Variants in TBC1D14 observed in about 807,000 individuals in gnomAD.
TBC1D14 encodes TBC1 domain family member 14.
Under a neutral mutation model 79.0 loss-of-function variants are expected in TBC1D14, and 26 were observed. That is an observed-to-expected ratio of 0.33 (90% CI 0.24 to 0.46). The LOEUF is 0.46. Among genes scored for constraint, TBC1D14 ranks in the 20% least tolerant of loss-of-function variants. The probability of loss-of-function intolerance (pLI) is 1.00; values close to 1 mark genes in which losing one functional copy is unlikely to be tolerated. For synonymous variants in TBC1D14, 394 were observed against 349.9 expected (o/e 1.13, Z -1.40); for missense variants, 769 against 887.6 (o/e 0.87, Z 1.70).
chr4:6,946,714 A>G (rs1426233316), intron 2 of TBC1D14, among the ~76,000 whole-genome samples: 1 of 152,160 alleles, frequency 6.6e-6, no homozygotes, highest in East Asian at 1.9e-4. Context: ...GGTAAAACTG[A>G]GGCTAGAGAG....
chr4:6,957,728 A>G (rs932908672), intron 2 of TBC1D14, among the ~76,000 whole-genome samples: 2 of 152,140 alleles, frequency 1.3e-5, no homozygotes, highest in African/African-American at 4.8e-5. Flanking sequence ...CCTGGGCCAC[A>G]TGGTGAGACC....
chr4:6,994,392 C>A lies in TBC1D14; in HGVS notation c.962+90C>A. ...CTTTTCATTAGAGAAAAACTAGGGT[C>A]AGAAAAGGGGAGAAGAGTAAGCCAG... On this transcript the variant is annotated intron_variant, in intron 4 of 13. Coordinates refer to ENST00000409757, the MANE Select transcript of TBC1D14 (RefSeq NM_020773.3). The A allele has an allele frequency of 2.6e-6, 3 of 1,145,318 alleles. No homozygotes were observed. The South Asian group carries it at 3.7e-5, about 14-fold the overall frequency. The allele number at this position is 1,145,318 out of a possible 1,614,324, so 70.9% of individuals were successfully genotyped here.
intron 2 of TBC1D14, among the ~76,000 whole-genome samples, chr4:6,929,997 T>C (rs1157082920): frequency 6.6e-6 from 1 of 152,202 alleles, no homozygotes; most frequent in Admixed American, 6.5e-5. Flanking sequence ...GACAACACCC[T>C]GTCTCTTGTA....
intron 2 of TBC1D14, among the ~76,000 whole-genome samples, chr4:6,963,287 T>C (rs1715405905): frequency 1.3e-5 from 2 of 152,236 alleles, no homozygotes; most frequent in Non-Finnish European, 2.9e-5. Context: ...GCTATGGCCA[T>C]TGTGTGCTCA....
At chr4:7,000,888 C>G (rs1719605813) in intron 6 of TBC1D14, among the ~76,000 whole-genome samples, 1 of 152,200 alleles carries the variant, frequency 6.6e-6, no homozygotes, top group Non-Finnish European at 1.5e-5. Flanking sequence ...GAACTTGGCC[C>G]CAGAGCGTGC....
At chr4:6,935,401 T>TC (rs1211309855) in intron 2 of TBC1D14, among the ~76,000 whole-genome samples, 1 of 152,072 alleles carries the variant, frequency 6.6e-6, no homozygotes, top group Non-Finnish European at 1.5e-5. Context: ...GATCTAGAGT[T>TC]CAACAGAGAA....
rs570372778 is a variant in TBC1D14 at position 6,954,887 on chromosome 4, G to C, written c.723-12417G>C. On this transcript the variant is annotated intron_variant, in intron 2 of 13. Transcript: ENST00000409757. ...CCCAAAGTGCTGGGATTACAGGCGT[G>C]AGCGGCCGTGCCCGGCCTGGATTAA... 2.8e-4 allele frequency among the ~76,000 whole-genome samples: 43 copies of C among 152,402 alleles called. No individual in the cohort carries two copies. In the South Asian group the frequency reaches 8.9e-3, roughly 32 times the overall value.
chr4:6,963,947 G>C (rs546809387), intron 2 of TBC1D14, among the ~76,000 whole-genome samples: 1 of 152,074 alleles, frequency 6.6e-6, no homozygotes, highest in South Asian at 2.1e-4. Flanking sequence ...ACAGGCGTGC[G>C]CCACCACGCC....
At chr4:6,975,342 G>A (rs917026357) in intron 3 of TBC1D14, among the ~76,000 whole-genome samples, 1 of 152,058 alleles carries the variant, frequency 6.6e-6, no homozygotes, top group Non-Finnish European at 1.5e-5. Flanking sequence ...GTGAGTAACC[G>A]GGACTACAGG....
Position 6,952,202 on chromosome 4 carries a change from C to T in TBC1D14, c.723-15102C>T, listed in dbSNP as rs1049954116. Among the ~76,000 whole-genome samples the T allele has an allele frequency of 3.9e-5, 6 of 152,288 alleles. No individual in the cohort carries two copies. In the East Asian group the frequency reaches 5.8e-4, roughly 15 times the overall value. On this transcript the variant is annotated intron_variant, in intron 2 of 13. Transcript: ENST00000409757. ...GTGGTTCTCAGATCCAGGTGTGCAT[C>T]GGAGCCACTGCAGGGCTCGTTGAAC...
intron 2 of TBC1D14, among the ~76,000 whole-genome samples, chr4:6,939,647 A>G (rs1005330278): frequency 4.0e-5 from 6 of 149,864 alleles, no homozygotes; most frequent in African/African-American, 7.3e-5. Context: ...AAAGCACCCA[A>G]CGGCAAGATA....
At chr4:6,942,587 G>A (rs1241725696) in intron 2 of TBC1D14, among the ~76,000 whole-genome samples, 4 of 152,198 alleles carry the variant, frequency 2.6e-5, no homozygotes, top group African/African-American at 9.7e-5. Flanking sequence ...ATGTTTATAG[G>A]CGTTTGAAAG....
chr4:6,971,977 T>C (rs1256133853), intron 3 of TBC1D14, among the ~76,000 whole-genome samples: 2 of 152,256 alleles, frequency 1.3e-5, no homozygotes, highest in Admixed American at 1.3e-4. Context: ...GATGGGAGCA[T>C]GTATTTGGAG....
intron 1 of TBC1D14, among the ~76,000 whole-genome samples, chr4:6,918,370 C>T (rs747873474): frequency 6.6e-6 from 1 of 152,206 alleles, no homozygotes; most frequent in African/African-American, 2.4e-5. Flanking sequence ...CTGTCATCAG[C>T]ATTTGCGTTC....
intron 2 of TBC1D14, among the ~76,000 whole-genome samples, chr4:6,927,655 G>A (rs994919955): frequency 1.3e-5 from 2 of 152,176 alleles, no homozygotes; most frequent in African/African-American, 4.8e-5. Flanking sequence ...ATGCGTCTTT[G>A]TTGTGGGCGG....
At chr4:7,024,712 C>G (rs959113344) in intron 12 of TBC1D14, among the ~76,000 whole-genome samples, 1 of 152,216 alleles carries the variant, frequency 6.6e-6, no homozygotes, top group Non-Finnish European at 1.5e-5. Flanking sequence ...ATGCCTGCCC[C>G]CACAGCGTGA....
chr4:6,960,082 T>C lies in TBC1D14; in HGVS notation c.723-7222T>C, dbSNP rs756641100. ...AAGTTGGCTTTCTACCCTGTGCCCC[T>C]TTTTTTTTTTTTTTTTTGACACAGA... On this transcript the variant is annotated intron_variant, in intron 2 of 13. Coordinates refer to ENST00000409757, the MANE Select transcript of TBC1D14 (RefSeq NM_020773.3). Among the ~76,000 whole-genome samples the C allele has an allele frequency of 6.9e-3, 149 of 21,556 alleles. 1 individual carries two copies. The highest frequency in any genetic ancestry group is 0.053 in the South Asian group (28 of 532). The allele number at this position is 21,556 out of a possible 152,430, so 14.1% of individuals were successfully genotyped here. A position where few individuals can be genotyped will look rare whatever the true frequency, so the allele number is the denominator to read the frequency against.
chr4:7,010,525 GGAGGA>G, intron 10 of TBC1D14, 123 bp from the exon 11 acceptor site: 1 of 1,153,606 alleles, frequency 8.7e-7, no homozygotes, highest in South Asian at 1.6e-5. Context: ...TTGGGTGGCC[GGAGGA>G]GTGGGGCGGC....
intron 12 of TBC1D14, among the ~76,000 whole-genome samples, chr4:7,021,948 G>A (rs956011304): frequency 1.3e-5 from 2 of 152,350 alleles, no homozygotes; most frequent in Admixed American, 1.3e-4. Flanking sequence ...GTTCCGACCG[G>A]TTCTGATCCC....
Sources: allele counts gnomAD v4.1 joint callset (sites outside exome capture counted in the v4.1 genomes callset), GRCh38; gene constraint gnomAD v4.1.1; transcripts MANE v1.5; gene names NCBI Gene and HGNC (gene_info 2026-07-23, HGNC 2026-07-21).